The following NR3C2 variants were observed in gnomAD, a reference collection of about 807,000 sequenced individuals.
NR3C2 encodes the protein mineralocorticoid receptor.
NR3C2 carries 15 observed loss-of-function variants against 86.4 expected under a neutral mutation model. The ratio of observed to expected loss-of-function variants is 0.17; its 90% CI spans 0.12 to 0.27. The LOEUF (loss-of-function observed/expected upper bound fraction) is 0.27, where lower values mean the gene tolerates loss of function less well. Among genes scored for constraint, NR3C2 ranks in the 10% least tolerant of loss-of-function variants. The pLI is 1.00. For missense variants in NR3C2, 960 were observed against 1,195.6 expected, an observed-to-expected ratio of 0.80 and a Z score of 2.91; for synonymous variants, 458 against 450.5, an observed-to-expected ratio of 1.02 and a Z score of -0.21.
intron 1 of NR3C2, among the ~76,000 whole-genome samples, chr4:148,438,999 A>G (rs566110096): frequency 1.3e-5 from 2 of 152,322 alleles, no homozygotes; most frequent in South Asian, 4.1e-4. Context: ...ATCAATCACA[A>G]AACAGTAGAA....
intron 4 of NR3C2, among the ~76,000 whole-genome samples, chr4:148,173,217 T>C (rs1256357206): frequency 6.6e-6 from 1 of 152,164 alleles, no homozygotes; most frequent in African/African-American, 2.4e-5. Context: ...TTACATAGTA[T>C]GGTGGGAAGA....
intron 3 of NR3C2, among the ~76,000 whole-genome samples, chr4:148,223,528 G>C (rs75415607): frequency 0.016 from 2,464 of 152,268 alleles, 64 homozygotes; most frequent in African/African-American, 0.054. Flanking sequence ...CAAAGTCAGG[G>C]TGTTACTGAG....
intron 3 of NR3C2, among the ~76,000 whole-genome samples, chr4:148,237,426 C>T (rs754553016): frequency 3.3e-5 from 5 of 152,116 alleles, no homozygotes; most frequent in African/African-American, 4.8e-5. Flanking sequence ...AAGGTCTCTT[C>T]GCACTAAAAA....
At chr4:148,241,791 A>C (rs1424083664) in intron 3 of NR3C2, among the ~76,000 whole-genome samples, 1 of 152,226 alleles carries the variant, frequency 6.6e-6, no homozygotes, top group Non-Finnish European at 1.5e-5. Context: ...GGAGATATTC[A>C]ACAAATATTT....
chr4:148,346,621 C>T (rs1386546235), intron 2 of NR3C2, among the ~76,000 whole-genome samples: 1 of 151,950 alleles, frequency 6.6e-6, no homozygotes, highest in Non-Finnish European at 1.5e-5. Flanking sequence ...TGGGATACAG[C>T]TAGGGCAAAG....
At chr4:148,151,880 A>G (rs1734118096) in intron 6 of NR3C2, among the ~76,000 whole-genome samples, 1 of 152,244 alleles carries the variant, frequency 6.6e-6, no homozygotes, top group Non-Finnish European at 1.5e-5. Flanking sequence ...TAAACTTAAA[A>G]TAGGAAGGAA....
intron 3 of NR3C2, among the ~76,000 whole-genome samples, chr4:148,220,219 T>C (rs1737765147): frequency 6.6e-6 from 1 of 152,124 alleles, no homozygotes; most frequent in Non-Finnish European, 1.5e-5. Flanking sequence ...CCCAAGTAAC[T>C]GAGACCACAG....
chr4:148,354,002 T>C (rs1745429257), intron 2 of NR3C2, among the ~76,000 whole-genome samples: 1 of 152,028 alleles, frequency 6.6e-6, no homozygotes, highest in Non-Finnish European at 1.5e-5. Flanking sequence ...AAATCACAGG[T>C]CCTAAGATAT....
chr4:148,180,782 C>T (rs1735608783), intron 4 of NR3C2, among the ~76,000 whole-genome samples: 1 of 152,034 alleles, frequency 6.6e-6, no homozygotes. Flanking sequence ...TTTTCATGGC[C>T]ATAATTTTAT....
intron 2 of NR3C2, among the ~76,000 whole-genome samples, chr4:148,321,688 C>T (rs1452062238): frequency 1.3e-5 from 2 of 152,066 alleles, no homozygotes; most frequent in Non-Finnish European, 1.5e-5. Context: ...TTATCAGAGA[C>T]TAGGATTGCA....
chr4:148,255,251 T>G (rs915003672), intron 3 of NR3C2, among the ~76,000 whole-genome samples: 3 of 152,222 alleles, frequency 2.0e-5, no homozygotes, highest in Non-Finnish European at 4.4e-5. Context: ...AGAAAACTAA[T>G]GATTCATAAA....
intron 8 of NR3C2, among the ~76,000 whole-genome samples, chr4:148,086,817 A>G (rs778580036): frequency 1.1e-4 from 17 of 152,212 alleles, no homozygotes; most frequent in Non-Finnish European, 1.8e-4. Context: ...CCCACAGCCA[A>G]TATCATACTG....
chr4:148,152,309 A>T, intron 6 of NR3C2, 160 bp downstream of exon 6: 1 of 694,682 alleles, frequency 1.4e-6, no homozygotes, highest in Non-Finnish European at 2.4e-6. Flanking sequence ...TGCAAAGAGT[A>T]ATTTTTTAAG....
chr4:148,154,693 G>A lies in NR3C2; in HGVS notation c.2223C>T (p.Val741=). 1 of 1,614,104 alleles carries A rather than the reference G, an allele frequency of 6.2e-7. No homozygotes were observed. The highest frequency in any genetic ancestry group is 1.1e-5 in the South Asian group (1 of 91,078). Residue 741 remains valine (V), a synonymous_variant, in exon 5 of 9, where the codon GTC becomes GTT. Coordinates refer to ENST00000358102, the MANE Select transcript of NR3C2 (RefSeq NM_000901.5). ...CAATTTCAGGTTCAATGTTTTCAAG[G>A]ACCATAACGGGGGAAGGTGTGAGCG... The part of the protein sequence containing the change: ...SRALTPSPVM[V]LENIEPEIVY...
chr4:148,266,717 G>A (rs1044880159), intron 2 of NR3C2, among the ~76,000 whole-genome samples: 5 of 152,196 alleles, frequency 3.3e-5, no homozygotes, highest in Admixed American at 2.6e-4. Flanking sequence ...TACTGTGACT[G>A]TTGGGTGGAG....
chr4:148,250,440 T>C (rs1262610911), intron 3 of NR3C2, among the ~76,000 whole-genome samples: 3 of 152,260 alleles, frequency 2.0e-5, no homozygotes, highest in Non-Finnish European at 4.4e-5. Flanking sequence ...CAGCACACAA[T>C]TTCCAGTGAT....
chr4:148,247,392 A>G (rs1357564999), intron 3 of NR3C2, among the ~76,000 whole-genome samples: 1 of 152,116 alleles, frequency 6.6e-6, no homozygotes, highest in Non-Finnish European at 1.5e-5. Flanking sequence ...TGAAAACTCC[A>G]ATTTTCTGCC....
At chr4:148,120,459 A>T (rs1363214643) in intron 6 of NR3C2, among the ~76,000 whole-genome samples, 171 bp from the exon 7 acceptor site, 4 of 152,250 alleles carry the variant, frequency 2.6e-5, no homozygotes, top group African/African-American at 9.6e-5. Flanking sequence ...AGTGACTGGT[A>T]AATTGCTTCT....
chr4:148,166,388 G>C (rs1734878830), intron 4 of NR3C2, among the ~76,000 whole-genome samples: 1 of 152,200 alleles, frequency 6.6e-6, no homozygotes, highest in South Asian at 2.1e-4. Context: ...TGGCCAGAAT[G>C]GGGGCAGACA....
Sources: allele counts gnomAD v4.1 joint callset (sites outside exome capture counted in the v4.1 genomes callset), GRCh38; gene constraint gnomAD v4.1.1; transcripts MANE v1.5; gene names NCBI Gene and HGNC (gene_info 2026-07-23, HGNC 2026-07-21).